Variants in CACNA1E observed in about 807,000 individuals in gnomAD.
CACNA1E encodes calcium voltage-gated channel subunit alpha1 E.
In CACNA1E, 40 loss-of-function variants were observed where a neutral mutation model predicts 259.2. The observed-to-expected ratio is 0.15, with a 90% CI of 0.12 to 0.20. The LOEUF (loss-of-function observed/expected upper bound fraction) is 0.20, where lower values mean the gene tolerates loss of function less well. Among genes scored for constraint, CACNA1E ranks in the 10% least tolerant of loss-of-function variants. CACNA1E has a pLI of 1.00. For missense variants in CACNA1E, 1,874 were observed against 3,040.1 expected (o/e 0.62, Z 9.02); for synonymous variants, 1,104 against 1,138.5 (o/e 0.97, Z 0.61).
chr1:181,745,601 C>T (rs987351407), intron 25 of CACNA1E, among the ~76,000 whole-genome samples: 6 of 152,180 alleles, frequency 3.9e-5, no homozygotes, highest in South Asian at 2.1e-4. Context: ...TAACTTGAGT[C>T]GGAAGACTTC....
At chr1:181,688,800 C>G (rs1286689641) in intron 7 of CACNA1E, among the ~76,000 whole-genome samples, 1 of 152,120 alleles carries the variant, frequency 6.6e-6, no homozygotes, top group East Asian at 1.9e-4. Flanking sequence ...CTCCATTTCC[C>G]CTTCCCACTC....
At chr1:181,563,846 GAA>G (rs1649557258) in intron 3 of CACNA1E, among the ~76,000 whole-genome samples, 1 of 152,198 alleles carries the variant, frequency 6.6e-6, no homozygotes, top group Non-Finnish European at 1.5e-5. Flanking sequence ...AATATCTCAA[GAA>G]AGTCACATAA....
At chr1:181,337,644 A>G (rs140562110) in intron 1 of CACNA1E, among the ~76,000 whole-genome samples, 18 of 152,314 alleles carry the variant, frequency 1.2e-4, no homozygotes, top group East Asian at 5.8e-4. Context: ...GGTTCTGTCT[A>G]CTATAACATC....
intron 2 of CACNA1E, among the ~76,000 whole-genome samples, chr1:181,473,345 T>C (rs1662642196): frequency 6.6e-6 from 1 of 152,222 alleles, no homozygotes; most frequent in South Asian, 2.1e-4. Context: ...ATGCTAATTA[T>C]GCATAAATTA....
rs754230638 is a variant in CACNA1E, at chr1:181,618,600, C to T, written c.952-32738C>T. ...AAAAAAGAAACCATCTGGTTGAGTC[C>T]TTTGTCCTTCAGTAGACGAAGTGTC... On this transcript the variant is annotated intron_variant, in intron 6 of 47. Transcript: ENST00000367573. 4.6e-5 allele frequency among the ~76,000 whole-genome samples: 7 copies of T among 152,244 alleles called. 1 individual carries two copies. In the South Asian group the frequency reaches 8.3e-4, roughly 18 times the overall value.
At chr1:181,451,830 T>G (rs908773031) in intron 2 of CACNA1E, among the ~76,000 whole-genome samples, 5 of 152,112 alleles carry the variant, frequency 3.3e-5, no homozygotes, top group Non-Finnish European at 7.3e-5. Context: ...GCTAAGGAAT[T>G]TGGACTTTAC....
chr1:181,347,494 G>A (rs1652685784), intron 1 of CACNA1E, among the ~76,000 whole-genome samples: 1 of 152,168 alleles, frequency 6.6e-6, no homozygotes, highest in Non-Finnish European at 1.5e-5. Context: ...TACTAGAGAA[G>A]CTCTTGCCCA....
rs745479994 is a variant in CACNA1E, at chr1:181,757,967, C to T, written c.4350C>T (p.Ala1450=). The T allele has an allele frequency of 1.9e-6, 3 of 1,613,982 alleles. No individual in the cohort carries two copies. Among genetic ancestry groups the T allele is most frequent in the Non-Finnish European group, 2.5e-6 (3 of 1,179,872 alleles). Residue 1450 remains alanine (A), a synonymous_variant, in exon 31 of 48, where the codon GCC becomes GCT. Coordinates refer to ENST00000367573, the MANE Select transcript of CACNA1E (RefSeq NM_001205293.3). The part of the protein sequence containing the change: ...EKNERACIDF[A]ISAKPLTRYM... ...TGCAGAGGGCGTGCATCGACTTCGC[C>T]ATCAGCGCCAAACCTCTCACCCGCT...
chr1:181,720,446 G>T (rs1654316884), intron 14 of CACNA1E, 109 bp downstream of exon 14: 2 of 1,247,818 alleles, frequency 1.6e-6, no homozygotes, highest in African/African-American at 3.0e-5. Flanking sequence ...GTCTGCCTTT[G>T]CCCATGGCCT....
intron 25 of CACNA1E, chr1:181,745,208 T>C: frequency 6.8e-6 from 2 of 295,216 alleles, no homozygotes; most frequent in East Asian, 8.8e-5. Context: ...GCATATTTTT[T>C]AGTGAACGCT....
intron 43 of CACNA1E, among the ~76,000 whole-genome samples, chr1:181,789,606 C>A (rs1353325797): frequency 6.6e-6 from 1 of 152,132 alleles, no homozygotes; most frequent in African/African-American, 2.4e-5. Flanking sequence ...GTAGCTATTA[C>A]CATACTGGTG....
At chr1:181,470,572 T>C (rs143934861) in intron 2 of CACNA1E, among the ~76,000 whole-genome samples, 1 of 152,256 alleles carries the variant, frequency 6.6e-6, no homozygotes, top group East Asian at 1.9e-4. Context: ...CAATGCCTTT[T>C]CCCCTGAGAG....
chr1:181,710,676 C>T (rs910469246), intron 7 of CACNA1E, among the ~76,000 whole-genome samples: 1 of 152,210 alleles, frequency 6.6e-6, no homozygotes, highest in African/African-American at 2.4e-5. Context: ...CCTAGTTTCT[C>T]ACATGGCTAA....
chr1:181,581,371 A>C (rs552332858), intron 6 of CACNA1E, among the ~76,000 whole-genome samples: 3 of 152,162 alleles, frequency 2.0e-5, no homozygotes, highest in Non-Finnish European at 4.4e-5. Flanking sequence ...CACACACATA[A>C]AAAGCATGCT....
chr1:181,376,156 A>T (rs946865279), intron 1 of CACNA1E, among the ~76,000 whole-genome samples: 7 of 152,210 alleles, frequency 4.6e-5, no homozygotes, highest in African/African-American at 1.7e-4. Flanking sequence ...CTGTAGGAAG[A>T]ATTCATGGTA....
At chr1:181,609,526 G>C (rs539384531) in intron 6 of CACNA1E, among the ~76,000 whole-genome samples, 14 of 152,296 alleles carry the variant, frequency 9.2e-5, no homozygotes, top group African/African-American at 3.4e-4. Flanking sequence ...AGAGTAGAAA[G>C]AGAAGGAAAA....
chr1:181,444,991 G>A (rs12073264), intron 2 of CACNA1E, among the ~76,000 whole-genome samples: 52,192 of 151,898 alleles, frequency 0.34, 9,134 homozygotes, highest in African/African-American at 0.39. Flanking sequence ...CTGGCTCACT[G>A]ATGGCATTCA....
intron 6 of CACNA1E, among the ~76,000 whole-genome samples, chr1:181,646,958 GTCATCACCCTCGTCGTGCACACGTGTGCA>G (rs1214224067): frequency 1.3e-5 from 2 of 152,158 alleles, no homozygotes; most frequent in Non-Finnish European, 2.9e-5. Context: ...TGCTTTCTCT[GTCATCACCCTCGTCGTGCACACGTGTGCA>G]TGTGTGTGTC....
chr1:181,715,955 T>C (rs1443882116), intron 9 of CACNA1E, 85 bp from the exon 10 acceptor site: 2 of 832,506 alleles, frequency 2.4e-6, no homozygotes, highest in African/African-American at 3.4e-5. Context: ...ACACAAGGCA[T>C]CTTGCCTGCA....
Sources: gnomAD v4.1 joint callset for allele counts (sites outside exome capture counted in the v4.1 genomes callset) on GRCh38, gnomAD v4.1.1 for gene constraint, MANE v1.5 for transcripts, NCBI Gene and HGNC (gene_info 2026-07-23, HGNC 2026-07-21) for gene names.